Variants in EYA3 observed in about 807,000 individuals in gnomAD.
EYA3 encodes EYA transcriptional coactivator and phosphatase 3, also known as protein phosphatase EYA3.
A neutral mutation model predicts 80.0 loss-of-function variants in EYA3; 39 were observed. The observed-to-expected ratio is 0.49, with a 90% CI of 0.38 to 0.64. The LOEUF (loss-of-function observed/expected upper bound fraction) is 0.64, where lower values mean the gene tolerates loss of function less well. Among genes scored for constraint, EYA3 ranks in the 30% least tolerant of loss-of-function variants. The pLI is 0.00. For missense variants in EYA3, 523 were observed against 676.1 expected (o/e 0.77, Z 2.51); for synonymous variants, 206 against 232.8 (o/e 0.88, Z 1.05).
At chr1:28,060,600 T>C (rs1644584515) in intron 1 of EYA3, among the ~76,000 whole-genome samples, 1 of 152,248 alleles carries the variant, frequency 6.6e-6, no homozygotes, top group Non-Finnish European at 1.5e-5. Flanking sequence ...TTAAAGACAT[T>C]CCTTTCTACA....
chr1:28,043,254 CTCT>C (rs1643881209), intron 3 of EYA3, among the ~76,000 whole-genome samples: 1 of 150,938 alleles, frequency 6.6e-6, no homozygotes, highest in East Asian at 1.9e-4. Flanking sequence ...TAAAACATTG[CTCT>C]GCCACTTTTT....
intron 3 of EYA3, among the ~76,000 whole-genome samples, chr1:28,046,422 T>C (rs1644007570): frequency 6.6e-6 from 1 of 151,770 alleles, no homozygotes; most frequent in Admixed American, 6.6e-5. Flanking sequence ...ATTAAGTAGG[T>C]TGATTTGGTG....
chr1:28,035,968 C>T (rs1428923848), intron 5 of EYA3, among the ~76,000 whole-genome samples: 1 of 152,184 alleles, frequency 6.6e-6, no homozygotes, highest in African/African-American at 2.4e-5. Flanking sequence ...GCACCCACCA[C>T]CATGCCTGGC....
chr1:28,085,919 A>G (rs1349515493), intron 1 of EYA3, among the ~76,000 whole-genome samples: 1 of 152,220 alleles, frequency 6.6e-6, no homozygotes, highest in African/African-American at 2.4e-5. Flanking sequence ...AAGTCATTTT[A>G]GAAGAACAAA....
At chr1:28,075,340 C>A (rs569387050) in intron 1 of EYA3, among the ~76,000 whole-genome samples, 5 of 152,320 alleles carry the variant, frequency 3.3e-5, no homozygotes, top group South Asian at 4.1e-4. Context: ...CACTGTCACT[C>A]AAGATGGTGA....
At chr1:28,061,911 T>G (rs887118458) in intron 1 of EYA3, among the ~76,000 whole-genome samples, 11 of 152,238 alleles carry the variant, frequency 7.2e-5, no homozygotes, top group African/African-American at 2.4e-4. Context: ...CGGTTTTTTT[T>G]TGTTTGTTTG....
Position 28,000,052 on chromosome 1 carries a change from A to C in EYA3, c.994-3T>G. 1 of 1,586,302 alleles carries C rather than the reference A, an allele frequency of 6.3e-7. No individual in the cohort carries two copies. The highest frequency in any genetic ancestry group is 8.6e-7 in the Non-Finnish European group (1 of 1,168,892). On this transcript the variant is annotated splice_polypyrimidine_tract_variant and splice_region_variant and intron_variant, in intron 11 of 17. Transcript: ENST00000373871. ...GAGCCAATCACTACTGTTGGGTCCT[A>C]GAAGACAATAAGAAAAAATCAGCTT...
chr1:28,006,607 G>A (rs1031356904), intron 10 of EYA3, among the ~76,000 whole-genome samples: 5 of 152,174 alleles, frequency 3.3e-5, no homozygotes, highest in South Asian at 2.1e-4. Context: ...TCAGGAGTCC[G>A]AGGCAGGAGA....
At position 27,995,229 on chromosome 1, in the gene EYA3, A is replaced by AC. The variant is rs1204435793; in HGVS notation, c.1143-1670dup. ...AGACCAGCCTGGGCAACACAGGGAG[A>AC]CCCCCATCTCTAAAAAAAAAAAAAA... On this transcript the variant is annotated intron_variant, in intron 13 of 17. Coordinates refer to ENST00000373871, the MANE Select transcript of EYA3 (RefSeq NM_001990.4). Among the ~76,000 whole-genome samples, 40 of 147,430 alleles carry AC rather than the reference A, an allele frequency of 2.7e-4. 1 individual carries two copies. The highest frequency in any genetic ancestry group is 2.0e-4 in the East Asian group (1 of 5,032).
intron 13 of EYA3, among the ~76,000 whole-genome samples, chr1:27,995,364 T>C (rs1640370717): frequency 1.5e-5 from 2 of 137,176 alleles, no homozygotes; most frequent in South Asian, 2.3e-4. Context: ...GCAAGCCATA[T>C]ATGATCACAA....
intron 1 of EYA3, among the ~76,000 whole-genome samples, chr1:28,078,383 A>G (rs1645297599): frequency 6.6e-6 from 1 of 152,212 alleles, no homozygotes; most frequent in South Asian, 2.1e-4. Flanking sequence ...TTAAATGTCA[A>G]TCATGCCCTG....
chr1:28,015,974 CA>C (rs1231607878), intron 8 of EYA3, among the ~76,000 whole-genome samples: 1 of 151,906 alleles, frequency 6.6e-6, no homozygotes. Context: ...AGGGAAACAG[CA>C]AGACATTAAA....
At position 27,978,573 on chromosome 1, in the gene EYA3, G is replaced by A. The variant is rs1287905760; in HGVS notation, c.1541-99C>T. On this transcript the variant is annotated intron_variant, in intron 16 of 17. Coordinates refer to ENST00000373871, the MANE Select transcript of EYA3 (RefSeq NM_001990.4). Reference sequence around the variant, plus strand: ...AGGTTCACCTGCCTGTGCTTAGGTGGACTAAGTGACAGCCCATGTAGTTTG... The same window carrying A: ...AGGTTCACCTGCCTGTGCTTAGGTGAACTAAGTGACAGCCCATGTAGTTTG... The A allele has an allele frequency of 6.7e-6, 6 of 900,386 alleles. No individual in the cohort carries two copies. The East Asian group carries it at 1.5e-4, about 22-fold the overall frequency. The allele number at this position is 900,386 out of a possible 1,614,324, so 55.8% of individuals were successfully genotyped here. A position where few individuals can be genotyped will look rare whatever the true frequency, so the allele number is the denominator to read the frequency against.
intron 1 of EYA3, among the ~76,000 whole-genome samples, chr1:28,067,981 T>C (rs987763703): frequency 3.9e-5 from 6 of 152,146 alleles, no homozygotes; most frequent in African/African-American, 1.4e-4. Flanking sequence ...AGTGGTGGAA[T>C]CCAAAACTCT....
intron 1 of EYA3, among the ~76,000 whole-genome samples, chr1:28,068,724 T>C (rs1479598312): frequency 1.3e-5 from 2 of 152,134 alleles, no homozygotes; most frequent in Admixed American, 6.5e-5. Flanking sequence ...CAAAAACAAA[T>C]TGATTTCTCT....
At chr1:28,076,146 G>A (rs1436026687) in intron 1 of EYA3, among the ~76,000 whole-genome samples, 1 of 152,162 alleles carries the variant, frequency 6.6e-6, no homozygotes, top group Non-Finnish European at 1.5e-5. Context: ...ACTTTCTGTA[G>A]ACAGATAAAA....
At chr1:28,003,100 CA>C (rs1181469791) in intron 11 of EYA3, among the ~76,000 whole-genome samples, 2,268 of 61,298 alleles carry the variant, frequency 0.037, 27 homozygotes, top group African/African-American at 0.073. Flanking sequence ...ACTAAAAATA[CA>C]AAAAAAAAAA....
intron 5 of EYA3, 83 bp from the exon 6 acceptor site, chr1:28,035,763 A>G (rs1643419032): frequency 7.6e-7 from 1 of 1,315,254 alleles, no homozygotes; most frequent in East Asian, 2.3e-5. Context: ...CACCACTAAC[A>G]GCAAAGAATC....
intron 14 of EYA3, among the ~76,000 whole-genome samples, chr1:27,991,538 T>A (rs2148730376): frequency 6.6e-6 from 1 of 152,268 alleles, no homozygotes; most frequent in South Asian, 2.1e-4. Flanking sequence ...TAAAAAAAAA[T>A]CCTGTATTCT....
Sources: allele counts gnomAD v4.1 joint callset (sites outside exome capture counted in the v4.1 genomes callset), GRCh38; gene constraint gnomAD v4.1.1; transcripts MANE v1.5; gene names NCBI Gene and HGNC (gene_info 2026-07-23, HGNC 2026-07-21).